SUGCT: variants seen among roughly 807,000 people sequenced by gnomAD.
The protein encoded by SUGCT is succinyl-CoA:glutarate-CoA transferase, also known as succinyl-CoA:glutarate CoA-transferase.
SUGCT carries 41 observed loss-of-function variants against 55.0 expected under a neutral mutation model. The ratio of observed to expected loss-of-function variants is 0.74; its 90% CI spans 0.58 to 0.97. SUGCT has a LOEUF of 0.97. Ranked by LOEUF, SUGCT falls within the 50% of genes least tolerant of loss-of-function variation. SUGCT has a pLI of 0.00. For missense variants in SUGCT, 568 were observed against 547.8 expected, an observed-to-expected ratio of 1.04 and a Z score of -0.37; for synonymous variants, 187 against 200.4, an observed-to-expected ratio of 0.93 and a Z score of 0.56.
At chr7:40,668,285 T>C (rs1801753819) in intron 12 of SUGCT, among the ~76,000 whole-genome samples, 1 of 152,190 alleles carries the variant, frequency 6.6e-6, no homozygotes, top group African/African-American at 2.4e-5. Flanking sequence ...AACTCCGAGG[T>C]ATTTAATGGT....
At chr7:40,372,785 C>A (rs1784352529) in intron 9 of SUGCT, among the ~76,000 whole-genome samples, 1 of 152,006 alleles carries the variant, frequency 6.6e-6, no homozygotes, top group Admixed American at 6.6e-5. Context: ...TGCTTTCTAA[C>A]AAGCAAAGGT....
chr7:40,575,409 A>G (rs1237770131), intron 12 of SUGCT, among the ~76,000 whole-genome samples: 1 of 152,150 alleles, frequency 6.6e-6, no homozygotes, highest in East Asian at 1.9e-4. Context: ...TGACGTAGGG[A>G]TGGCATATTC....
chr7:40,287,533 T>C (rs1308199039), intron 8 of SUGCT, among the ~76,000 whole-genome samples: 1 of 151,858 alleles, frequency 6.6e-6, no homozygotes, highest in African/African-American at 2.4e-5. Flanking sequence ...GGTCTCTGTC[T>C]GTCACGCAGG....
the SUGCT span, among the ~76,000 whole-genome samples, chr7:40,945,067 C>T: frequency 3.3e-5 from 5 of 152,126 alleles, no homozygotes; most frequent in African/African-American, 1.2e-4. Context: ...TTGCATAGTT[C>T]AGACTTCAGG....
intron 12 of SUGCT, among the ~76,000 whole-genome samples, chr7:40,500,729 G>A (rs1437862051): frequency 6.6e-6 from 1 of 152,062 alleles, no homozygotes; most frequent in Non-Finnish European, 1.5e-5. Context: ...TATTATCTGA[G>A]TGATTTTGTT....
chr7:40,684,239 C>T, intron 12 of SUGCT: 2 of 1,415,836 alleles, frequency 1.4e-6, no homozygotes, highest in South Asian at 1.8e-5. Flanking sequence ...TACATCCATA[C>T]TTATTCATTT....
intron 1 of SUGCT, among the ~76,000 whole-genome samples, chr7:40,179,654 G>A (rs978718024): frequency 2.6e-5 from 4 of 152,152 alleles, no homozygotes; most frequent in African/African-American, 9.7e-5. Flanking sequence ...GGCTTGGCTC[G>A]GCCTGGGTGT....
chr7:40,472,759 G>A (rs1002080476), intron 11 of SUGCT, among the ~76,000 whole-genome samples: 1 of 152,094 alleles, frequency 6.6e-6, no homozygotes, highest in Admixed American at 6.6e-5. Flanking sequence ...TAATGGCACA[G>A]AACATGGAGG....
the SUGCT span, among the ~76,000 whole-genome samples, chr7:41,019,929 A>C: frequency 6.6e-6 from 1 of 152,222 alleles, no homozygotes; most frequent in African/African-American, 2.4e-5. Flanking sequence ...GTACCTCCCC[A>C]TGAAATGTAA....
At chr7:40,362,048 T>G (rs4257934) in intron 9 of SUGCT, among the ~76,000 whole-genome samples, 2 of 151,584 alleles carry the variant, frequency 1.3e-5, no homozygotes, top group Admixed American at 6.6e-5. Flanking sequence ...ACACGTAGGC[T>G]GCCAAGGAGT....
chr7:41,014,180 A>C, the SUGCT span, among the ~76,000 whole-genome samples: 1 of 152,096 alleles, frequency 6.6e-6, no homozygotes, highest in African/African-American at 2.4e-5. Context: ...GGTATGTGAG[A>C]CCTCTGCACT....
chr7:40,739,463 T>G (rs1787350131), intron 12 of SUGCT, among the ~76,000 whole-genome samples: 1 of 152,234 alleles, frequency 6.6e-6, no homozygotes, highest in Non-Finnish European at 1.5e-5. Flanking sequence ...TTCCATAATA[T>G]GGATGTACCA....
At chr7:40,571,045 G>A (rs767343285) in intron 12 of SUGCT, among the ~76,000 whole-genome samples, 5 of 151,772 alleles carry the variant, frequency 3.3e-5, no homozygotes, top group African/African-American at 9.7e-5. Context: ...TTTTATAAAT[G>A]TACCACTTTC....
chr7:40,490,647 T>G (rs1203369040), intron 11 of SUGCT, among the ~76,000 whole-genome samples: 3 of 152,204 alleles, frequency 2.0e-5, no homozygotes, highest in Non-Finnish European at 4.4e-5. Flanking sequence ...GATTTCTTTG[T>G]GGAGGAGTTC....
chr7:40,879,274 G>A, the SUGCT span, among the ~76,000 whole-genome samples: 3 of 152,150 alleles, frequency 2.0e-5, no homozygotes, highest in Non-Finnish European at 4.4e-5. Flanking sequence ...TAAAGTTAGA[G>A]ATAATAGTAT....
the SUGCT span, among the ~76,000 whole-genome samples, chr7:41,013,917 C>A: frequency 6.6e-6 from 1 of 151,964 alleles, no homozygotes; most frequent in Non-Finnish European, 1.5e-5. Flanking sequence ...ATTTGGGGAA[C>A]CATAACCCAA....
At chr7:40,285,494 G>T (rs889450147) in intron 8 of SUGCT, among the ~76,000 whole-genome samples, 46 of 137,832 alleles carry the variant, frequency 3.3e-4, no homozygotes, top group Admixed American at 9.0e-4. Flanking sequence ...TCTTTTTTCG[G>T]GGGGGGGCAA....
At chr7:40,740,294 G>T (rs1269305900) in intron 12 of SUGCT, among the ~76,000 whole-genome samples, 1 of 151,982 alleles carries the variant, frequency 6.6e-6, no homozygotes, top group Non-Finnish European at 1.5e-5. Context: ...TTAGTCCTAA[G>T]AGTATTTTTG....
chr7:40,474,987 C>T (rs1270179362), intron 11 of SUGCT, among the ~76,000 whole-genome samples: 2 of 152,150 alleles, frequency 1.3e-5, no homozygotes, highest in East Asian at 1.9e-4. Context: ...TGGTAGTTAA[C>T]TTGTCTTGAG....
Sources: gnomAD v4.1 joint callset for allele counts (sites outside exome capture counted in the v4.1 genomes callset) on GRCh38, gnomAD v4.1.1 for gene constraint, MANE v1.5 for transcripts, NCBI Gene and HGNC (gene_info 2026-07-23, HGNC 2026-07-21) for gene names.